ZNF274: variants seen among roughly 807,000 people sequenced by gnomAD.
ZNF274 encodes the protein zinc finger protein 274, also known as neurotrophin receptor-interacting factor homolog.
ZNF274 carries 23 observed loss-of-function variants against 42.5 expected under a neutral mutation model. The ratio of observed to expected loss-of-function variants is 0.54; its 90% CI spans 0.39 to 0.77. The LOEUF (loss-of-function observed/expected upper bound fraction) is 0.77, where lower values mean the gene tolerates loss of function less well. Ranked by LOEUF, ZNF274 falls within the 30% of genes least tolerant of loss-of-function variation. The pLI, the probability that ZNF274 is intolerant of heterozygous loss-of-function variation, is 0.00. For synonymous variants in ZNF274, 292 were observed against 305.4 expected, an observed-to-expected ratio of 0.96 and a Z score of 0.46; for missense variants, 679 against 806.5, an observed-to-expected ratio of 0.84 and a Z score of 1.91.
intron 3 of ZNF274, among the ~76,000 whole-genome samples, chr19:58,186,426 A>C (rs2146190371): frequency 6.7e-6 from 1 of 149,302 alleles, no homozygotes; most frequent in African/African-American, 2.5e-5. Flanking sequence ...CCAGCTACTC[A>C]GGAGGCTGAG....
chr19:58,203,323 C>G (rs2075937477), intron 4 of ZNF274, among the ~76,000 whole-genome samples: 1 of 152,136 alleles, frequency 6.6e-6, no homozygotes, highest in African/African-American at 2.4e-5. Flanking sequence ...GTGGCTCACA[C>G]CTGTAATCCC....
intron 4 of ZNF274, among the ~76,000 whole-genome samples, chr19:58,196,538 C>A (rs541301138): frequency 1.3e-3 from 200 of 152,008 alleles, no homozygotes; most frequent in African/African-American, 4.4e-3. Context: ...GAAAAAAAAA[C>A]AAAGTTAAGT....
chr19:58,201,805 G>A (rs1167961824), intron 4 of ZNF274, among the ~76,000 whole-genome samples: 1 of 152,064 alleles, frequency 6.6e-6, no homozygotes, highest in Non-Finnish European at 1.5e-5. Context: ...ATGAGTCACC[G>A]CACCAGGCAT....
intron 4 of ZNF274, among the ~76,000 whole-genome samples, chr19:58,202,837 T>A (rs2075929169): frequency 6.6e-6 from 1 of 152,180 alleles, no homozygotes. Context: ...CCTCACCAGT[T>A]TCTGGGTTTG....
At position 58,208,688 on chromosome 19, in the gene ZNF274, C is replaced by T. The variant is rs1189547821; in HGVS notation, c.740-1273C>T. On this transcript the variant is annotated intron_variant, in intron 5 of 7. Transcript: ENST00000617501. The surrounding 1 kb of genome is among the most constrained non-coding windows in gnomAD (Gnocchi z 4.5). ...CAAAAGGAACATAGCCATGCTGACA[C>T]CTTCATTTTAGCCCAGTGAGGCACA... is the stretch of plus-strand genomic sequence containing the variant. The T allele has an allele frequency of 6.6e-6, 1 of 152,214 alleles. No individual in the cohort carries two copies. The highest frequency in any genetic ancestry group is 2.4e-5 in the African/African-American group (1 of 41,440). 9.4% of individuals were successfully genotyped at this position (152,214 alleles called of 1,614,324 possible).
chr19:58,192,699 C>T (rs567165358), intron 4 of ZNF274, among the ~76,000 whole-genome samples: 7 of 152,014 alleles, frequency 4.6e-5, no homozygotes, highest in South Asian at 4.1e-4. Context: ...GGAATGGTGA[C>T]GAGGAAAAAA....
In ZNF274 at chr19:58,211,599, C is replaced by A. The variant is rs764561877; in HGVS notation, c.892C>A (p.Arg298=). 1.2e-6 allele frequency: 2 copies of A among 1,613,542 alleles called. No homozygotes were observed. The highest frequency in any genetic ancestry group is 1.7e-6 in the Non-Finnish European group (2 of 1,179,664). ...CCAGGATGTGGCTGTGGACTTCAGC[C>A]GGGAGGAGTGGGGGCTGCTGGGCCC... ...TFQDVAVDFS[R]EEWGLLGPTQ... Residue 298 remains arginine, a synonymous_variant, in exon 7 of 8, where the codon CGG becomes AGG. Transcript: ENST00000617501. The surrounding 1 kb of genome is among the most constrained non-coding windows in gnomAD (Gnocchi z 4.8).
intron 4 of ZNF274, among the ~76,000 whole-genome samples, chr19:58,201,687 T>C (rs901855509): frequency 2.0e-5 from 3 of 151,922 alleles, no homozygotes; most frequent in African/African-American, 7.3e-5. Flanking sequence ...TAGCTAACTT[T>C]TGTGTTTTTA....
At chr19:58,198,519 G>A (rs950415339) in intron 4 of ZNF274, among the ~76,000 whole-genome samples, 2 of 152,138 alleles carry the variant, frequency 1.3e-5, no homozygotes, top group African/African-American at 4.8e-5. Flanking sequence ...AGTCAAGTGC[G>A]AACACACAAA....
At chr19:58,201,481 G>A (rs1016120535) in intron 4 of ZNF274, among the ~76,000 whole-genome samples, 7 of 151,350 alleles carry the variant, frequency 4.6e-5, no homozygotes, top group African/African-American at 1.7e-4. Flanking sequence ...TGCAACCCTG[G>A]GCAGGGTTCC....
rs115020339 is a variant in ZNF274 at position 58,193,117 on chromosome 19, C to A, written c.256+6075C>A. Among the ~76,000 whole-genome samples the A allele has an allele frequency of 2.1e-3, 315 of 151,998 alleles. 2 individuals are homozygous for A. Among genetic ancestry groups the A allele is most frequent in the African/African-American group, 7.5e-3 (310 of 41,460 alleles). The stretch of plus-strand genomic sequence containing the variant: ...TGTGGAACCCACAGAATATACAGGT[C>A]CAACTGTACATTCTTTTTGTCACTA... On this transcript the variant is annotated intron_variant, in intron 4 of 7. Coordinates refer to ENST00000617501, the MANE Select transcript of ZNF274 (RefSeq NM_133502.3).
chr19:58,185,552 G>A lies in ZNF274; in HGVS notation c.34-160G>A, dbSNP rs1315213754. The A allele has an allele frequency of 3.1e-5, 19 of 613,670 alleles. No homozygotes were observed. In the East Asian group the frequency reaches 6.2e-4, roughly 20 times the overall value. The allele number at this position is 613,670 out of a possible 1,614,324, so 38.0% of individuals were successfully genotyped here. Reference sequence around the variant, plus strand: ...TAGAGTCAAGCTTGGGTTTGCTTGGGGTTTCAGACAAAGACAGGAACTCAG... The same window carrying A: ...TAGAGTCAAGCTTGGGTTTGCTTGGAGTTTCAGACAAAGACAGGAACTCAG... On this transcript the variant is annotated intron_variant, in intron 2 of 7. Transcript: ENST00000617501.
At chr19:58,195,229 ATATATGTGTGTG>A (rs1047683639) in intron 4 of ZNF274, among the ~76,000 whole-genome samples, 3 of 129,568 alleles carry the variant, frequency 2.3e-5, no homozygotes, top group African/African-American at 9.6e-5. Flanking sequence ...ATGTGTGTGT[ATATATGTGTGTG>A]TATATATATA....
chr19:58,189,003 T>A (rs1371101467), intron 4 of ZNF274, among the ~76,000 whole-genome samples: 4 of 152,080 alleles, frequency 2.6e-5, no homozygotes, highest in Admixed American at 2.6e-4. Flanking sequence ...GCAGATCTGA[T>A]GGGATAAATA....
At chr19:58,190,811 C>T (rs1462251665) in intron 4 of ZNF274, among the ~76,000 whole-genome samples, 1 of 152,188 alleles carries the variant, frequency 6.6e-6, no homozygotes, top group Non-Finnish European at 1.5e-5. Flanking sequence ...CAAGTGGCAT[C>T]AGAACTGCCC....
rs1185218283 is a variant in ZNF274, at chr19:58,211,758, C to A, written c.979+72C>A. 5.8e-6 allele frequency: 9 copies of A among 1,545,950 alleles called. No homozygotes were observed. Among genetic ancestry groups the A allele is most frequent in the Non-Finnish European group, 7.0e-6 (8 of 1,144,014 alleles). On this transcript the variant is annotated intron_variant, in intron 7 of 7. Transcript: ENST00000617501. This position sits in a 1 kb window ranked among gnomAD's most constrained non-coding sequence, Gnocchi z 4.8. ...AGGAGCCCCAAGTCAGGGGTGTTCA[C>A]CTTCTCTAGACTCCACACTGGGCAT...
intron 2 of ZNF274, 118 bp downstream of exon 2, chr19:58,184,116 G>A (rs922469625): frequency 3.2e-5 from 38 of 1,178,664 alleles, no homozygotes; most frequent in Non-Finnish European, 4.3e-5. Flanking sequence ...TCGGGGAGGG[G>A]GTAGAGATTG....
In ZNF274 at chr19:58,212,482, T is replaced by C. The variant is rs2076054353; in HGVS notation, c.1301T>C (p.Leu434Pro). ...NPESQANSGA[L>P]DTNQVLLHKI... is the part of the protein sequence containing the mutation. ...GAGTCCCAGGCAAACAGTGGCGCTCTTGACACAAACCAAGTTTTGCTCCAC... is the reference window on the plus strand; with the variant it reads ...GAGTCCCAGGCAAACAGTGGCGCTCCTGACACAAACCAAGTTTTGCTCCAC... Residue 434 changes from leucine (L) to proline (P), a missense_variant, in exon 8 of 8, where the codon CTT (leucine) becomes CCT (proline). Physicochemically the swap from Leu to Pro is moderately conservative, Grantham distance 98. Coordinates refer to ENST00000617501, the MANE Select transcript of ZNF274 (RefSeq NM_133502.3). This position sits in a 1 kb window ranked among gnomAD's most constrained non-coding sequence, Gnocchi z 4.6. 2 of 1,613,912 alleles carry C rather than the reference T, an allele frequency of 1.2e-6. No individual in the cohort carries two copies. Among genetic ancestry groups the C allele is most frequent in the South Asian group, 1.1e-5 (1 of 91,082 alleles).
rs772795500 is a variant in ZNF274, at chr19:58,212,840, TCA to T, written c.1660_1661del (p.Gln554GlufsTer10). ...TTCAGAGCTCTTCCCTCACACAGCATCAGAGAGTTCATTCTGGAGAGAGACCA... is the reference window on the plus strand; with the variant it reads ...TTCAGAGCTCTTCCCTCACACAGCATGAGAGTTCATTCTGGAGAGAGACCA... ...FVQSSSLTQH[Q>X]RVHSGERPFE... On this transcript the variant is annotated frameshift_variant, in exon 8 of 8. Transcript: ENST00000617501. LOFTEE classifies it high-confidence loss of function. The surrounding 1 kb of genome is among the most constrained non-coding windows in gnomAD (Gnocchi z 4.6). 1 of 1,614,016 alleles carries T rather than the reference TCA, an allele frequency of 6.2e-7. No individual in the cohort carries two copies. The highest frequency in any genetic ancestry group is 1.1e-5 in the South Asian group (1 of 91,084).
Sources: allele counts gnomAD v4.1 joint callset (sites outside exome capture counted in the v4.1 genomes callset), GRCh38; gene constraint gnomAD v4.1.1; non-coding constraint Gnocchi (gnomAD v3.1); transcripts MANE v1.5; gene names NCBI Gene and HGNC (gene_info 2026-07-23, HGNC 2026-07-21).